Variants in SPIDR observed in about 807,000 individuals in gnomAD.
SPIDR encodes scaffold protein involved in DNA repair.
In SPIDR, 93 loss-of-function variants were observed where a neutral mutation model predicts 104.6. The ratio of observed to expected loss-of-function variants is 0.89; its 90% CI spans 0.75 to 1.06. The LOEUF (loss-of-function observed/expected upper bound fraction) is 1.06. Ranked by LOEUF, SPIDR falls within the 50% of genes least tolerant of loss-of-function variation. The pLI is 0.00. For synonymous variants in SPIDR, 431 were observed against 416.9 expected, an observed-to-expected ratio of 1.03 and a Z score of -0.41; for missense variants, 1,154 against 1,111.2, an observed-to-expected ratio of 1.04 and a Z score of -0.55.
At chr8:47,635,840 G>A (rs528615199) in intron 10 of SPIDR, among the ~76,000 whole-genome samples, 2 of 152,316 alleles carry the variant, frequency 1.3e-5, no homozygotes, top group East Asian at 3.9e-4. Flanking sequence ...CTTCCCAGTG[G>A]GTGAAAATTG....
intron 7 of SPIDR, among the ~76,000 whole-genome samples, chr8:47,431,122 G>A (rs782568027): frequency 6.6e-6 from 1 of 152,210 alleles, no homozygotes; most frequent in Non-Finnish European, 1.5e-5. Context: ...TGGAGTCCTG[G>A]TGAGAGCCCT....
At chr8:47,479,865 C>G (rs574659058) in intron 8 of SPIDR, among the ~76,000 whole-genome samples, 1 of 152,158 alleles carries the variant, frequency 6.6e-6, no homozygotes, top group Non-Finnish European at 1.5e-5. Context: ...ACTAACAGTT[C>G]AAGTCCATAG....
intron 6 of SPIDR, among the ~76,000 whole-genome samples, chr8:47,400,246 G>T (rs1376018588): frequency 3.3e-5 from 5 of 152,214 alleles, no homozygotes; most frequent in Non-Finnish European, 5.9e-5. Context: ...TCACTGTCAG[G>T]GAGTCCTCAA....
At chr8:47,410,648 AG>A (rs1304717826) in intron 7 of SPIDR, among the ~76,000 whole-genome samples, 2 of 151,878 alleles carry the variant, frequency 1.3e-5, no homozygotes, top group African/African-American at 4.8e-5. Context: ...CTTATTATTT[AG>A]AGAAGTCTTT....
intron 10 of SPIDR, among the ~76,000 whole-genome samples, chr8:47,655,942 G>A (rs2072715422): frequency 6.6e-6 from 1 of 152,044 alleles, no homozygotes; most frequent in African/African-American, 2.4e-5. Flanking sequence ...TTTTTGACAT[G>A]GGTGTCAGGC....
chr8:47,597,017 G>A (rs573584632), intron 9 of SPIDR, among the ~76,000 whole-genome samples: 2 of 152,228 alleles, frequency 1.3e-5, no homozygotes, highest in South Asian at 2.1e-4. Context: ...GGATAACAAT[G>A]CCTTCTTCTG....
chr8:47,593,713 C>A (rs1355553441), intron 8 of SPIDR, among the ~76,000 whole-genome samples: 1 of 152,122 alleles, frequency 6.6e-6, no homozygotes, highest in East Asian at 1.9e-4. Context: ...AGAGGGAAGT[C>A]CAGGTTCCTC....
At chr8:47,431,906 G>A (rs1024853478) in intron 7 of SPIDR, among the ~76,000 whole-genome samples, 1 of 152,146 alleles carries the variant, frequency 6.6e-6, no homozygotes, top group Non-Finnish European at 1.5e-5. Context: ...AAAATGAATT[G>A]TGCTCTTCAT....
rs1313188388 is a variant in SPIDR at position 47,661,818 on chromosome 8, ACT to A, written c.1545-11979_1545-11978del. 3.9e-5 allele frequency among the ~76,000 whole-genome samples: 6 copies of A among 152,142 alleles called. No individual in the cohort carries two copies. In the South Asian group the frequency reaches 1.2e-3, roughly 32 times the overall value. ...GAATATCCACTTGTCTTATAAAAGGACTCTCAGCCCAGAGAGCTTCTGTGCCT... is the reference window on the plus strand; with the variant it reads ...GAATATCCACTTGTCTTATAAAAGGACTCAGCCCAGAGAGCTTCTGTGCCT... On this transcript the variant is annotated intron_variant, in intron 10 of 19. Coordinates refer to ENST00000297423, the MANE Select transcript of SPIDR (RefSeq NM_001080394.4).
intron 10 of SPIDR, among the ~76,000 whole-genome samples, chr8:47,604,172 T>G (rs549672964): frequency 1.3e-5 from 2 of 152,324 alleles, no homozygotes; most frequent in East Asian, 3.9e-4. Flanking sequence ...GGACATAATT[T>G]AGTTTAGAGG....
In SPIDR at chr8:47,313,220, A is replaced by T. The variant is rs587629849; in HGVS notation, c.525+19190A>T. Among the ~76,000 whole-genome samples the T allele has an allele frequency of 5.9e-5, 9 of 152,350 alleles. No individual in the cohort carries two copies. In the South Asian group the frequency reaches 1.4e-3, roughly 25 times the overall value. ...TAAGCAACTTCAGCAAAGTCTCAGG[A>T]TACAAAATCAATTTGCAAAAATCAC... On this transcript the variant is annotated intron_variant, in intron 5 of 19. Coordinates refer to ENST00000297423, the MANE Select transcript of SPIDR (RefSeq NM_001080394.4).
intron 8 of SPIDR, among the ~76,000 whole-genome samples, chr8:47,580,800 C>A (rs1238471705): frequency 6.6e-6 from 1 of 152,048 alleles, no homozygotes; most frequent in Non-Finnish European, 1.5e-5. Flanking sequence ...GTGTGTTTAT[C>A]CATTAATTTA....
At chr8:47,294,245 A>G in intron 5 of SPIDR, 1 of 492,204 alleles carries the variant, frequency 2.0e-6, no homozygotes, top group Non-Finnish European at 3.4e-6. Flanking sequence ...CTTCTCTTTC[A>G]CTTCCCACCC....
chr8:47,478,363 G>A (rs560535529), intron 8 of SPIDR, among the ~76,000 whole-genome samples: 14 of 152,282 alleles, frequency 9.2e-5, no homozygotes, highest in African/African-American at 3.1e-4. Context: ...GGGGTTGTGC[G>A]TGACAGTTTC....
At chr8:47,560,165 A>C (rs1186959720) in intron 8 of SPIDR, among the ~76,000 whole-genome samples, 1 of 152,222 alleles carries the variant, frequency 6.6e-6, no homozygotes, top group Non-Finnish European at 1.5e-5. Flanking sequence ...TGCAACTGTC[A>C]GTGTGAAACT....
intron 3 of SPIDR, 131 bp from the exon 4 acceptor site, chr8:47,290,902 A>G (rs2039796638): frequency 3.6e-6 from 2 of 554,382 alleles, no homozygotes; most frequent in South Asian, 3.4e-5. Flanking sequence ...AAGATTTGAC[A>G]TAGACATTGC....
Position 47,449,799 on chromosome 8 carries a change from G to A in SPIDR, c.1097+9257G>A, listed in dbSNP as rs1469329223. On this transcript the variant is annotated intron_variant, in intron 8 of 19. Transcript: ENST00000297423. ...TGAGGAGGAAGTGAAGTTAGATGAC[G>A]CTTTTCAATGGGGTGTATCTTAGTC... Among the ~76,000 whole-genome samples, 3 of 152,172 alleles carry A rather than the reference G, an allele frequency of 2.0e-5. 1 individual carries two copies. Among genetic ancestry groups the A allele is most frequent in the Non-Finnish European group, 1.5e-5 (1 of 68,026 alleles).
rs1056000882 is a variant in SPIDR, at chr8:47,713,764, A to G, written c.2341+123A>G. The G allele has an allele frequency of 5.4e-6, 7 of 1,295,028 alleles. No homozygotes were observed. In the South Asian group the frequency reaches 7.3e-5, roughly 14 times the overall value. 80.2% of individuals were successfully genotyped at this position (1,295,028 alleles called of 1,614,324 possible). A position where few individuals can be genotyped will look rare whatever the true frequency, so the allele number is the denominator to read the frequency against. Reference sequence around the variant, plus strand: ...CCGCTAAGTTCCAGACACTGGATACATAAAGAACAAAAGCAGAAATTGTTC... The same window carrying G: ...CCGCTAAGTTCCAGACACTGGATACGTAAAGAACAAAAGCAGAAATTGTTC... On this transcript the variant is annotated intron_variant, in intron 16 of 19. Coordinates refer to ENST00000297423, the MANE Select transcript of SPIDR (RefSeq NM_001080394.4).
At chr8:47,674,054 A>C (rs932697936) in intron 11 of SPIDR, 113 bp downstream of exon 11, 1 of 1,363,048 alleles carries the variant, frequency 7.3e-7, no homozygotes, top group African/African-American at 1.5e-5. Context: ...AGGATCCTAG[A>C]GTTTGCCCAT....
Sources: allele counts gnomAD v4.1 joint callset (sites outside exome capture counted in the v4.1 genomes callset), GRCh38; gene constraint gnomAD v4.1.1; transcripts MANE v1.5; gene names NCBI Gene and HGNC (gene_info 2026-07-23, HGNC 2026-07-21).